Variants in ATP7B observed in about 807,000 individuals in gnomAD.
ATP7B encodes the protein ATPase copper transporting beta, also known as copper-transporting ATPase 2.
Under a neutral mutation model 118.9 loss-of-function variants are expected in ATP7B, and 113 were observed. The observed-to-expected ratio is 0.95, with a 90% CI of 0.82 to 1.11. ATP7B has a LOEUF of 1.11. ATP7B is among the 50% of genes most tolerant of loss of function. ATP7B has a pLI of 0.00. For missense variants in ATP7B, 1,867 were observed against 1,871.4 expected, an observed-to-expected ratio of 1.00 and a Z score of 0.04; for synonymous variants, 777 against 727.4, an observed-to-expected ratio of 1.07 and a Z score of -1.10.
chr13:51,959,623 G>A (rs1958599977), intron 7 of ATP7B: 1 of 166,676 alleles, frequency 6.0e-6, no homozygotes, highest in African/African-American at 2.4e-5. Flanking sequence ...ACACATAGAG[G>A]GCACACTTCC....
chr13:51,961,994 G>T, intron 5 of ATP7B, 81 bp from the exon 6 acceptor site: 1 of 1,231,198 alleles, frequency 8.1e-7, no homozygotes, highest in Non-Finnish European at 1.2e-6. Context: ...GCACTTTTCA[G>T]CTTTGGAAAT....
chr13:51,980,903 A>T (rs1338328437), intron 1 of ATP7B, among the ~76,000 whole-genome samples: 1 of 152,230 alleles, frequency 6.6e-6, no homozygotes, highest in East Asian at 1.9e-4. Context: ...CCCCCCATAC[A>T]ACTTAACACA....
At chr13:51,949,238 T>C (rs1957844255) in intron 12 of ATP7B, among the ~76,000 whole-genome samples, 1 of 152,168 alleles carries the variant, frequency 6.6e-6, no homozygotes. Context: ...CTTGGGAAGC[T>C]GGGAGGTCAA....
At chr13:51,937,988 G>A (rs1489832773) in intron 17 of ATP7B, among the ~76,000 whole-genome samples, 5 of 152,058 alleles carry the variant, frequency 3.3e-5, no homozygotes, top group Non-Finnish European at 7.4e-5. Context: ...CAAAGCATCC[G>A]TCCGGCCATG....
Position 51,968,644 on chromosome 13 carries a change from G to A in ATP7B, c.1544-37C>T, listed in dbSNP as rs756088122. The A allele has an allele frequency of 7.4e-6, 12 of 1,612,082 alleles. No homozygotes were observed. In the Admixed American group the frequency reaches 2.0e-4, roughly 27 times the overall value. ...AGGTCATGGCTGTAACACTCTGGGT[G>A]GGCAGGGCCTCTAGGTTGACACAGT... On this transcript the variant is annotated intron_variant, in intron 3 of 20. Coordinates refer to ENST00000242839, the MANE Select transcript of ATP7B (RefSeq NM_000053.4).
rs1189813477 is a variant in ATP7B at position 51,949,989 on chromosome 13, T to C, written c.2730+18A>G. The C allele has an allele frequency of 3.1e-6, 5 of 1,614,220 alleles. No individual in the cohort carries two copies. The East Asian group carries it at 1.1e-4, about 36-fold the overall frequency. On this transcript the variant is annotated intron_variant, in intron 11 of 20. Transcript: ENST00000242839. Reference sequence around the variant, plus strand: ...AAAACGAGAAAGATGAAGTTAGTTTTAAAAATTTCTTCATTACCTTTGACA... The same window carrying C: ...AAAACGAGAAAGATGAAGTTAGTTTCAAAAATTTCTTCATTACCTTTGACA...
At chr13:51,999,891 C>T (rs966765409) in intron 1 of ATP7B, among the ~76,000 whole-genome samples, 1 of 152,124 alleles carries the variant, frequency 6.6e-6, no homozygotes, top group Non-Finnish European at 1.5e-5. Context: ...CCCCAGTGCC[C>T]ACCCCCATAC....
intron 1 of ATP7B, among the ~76,000 whole-genome samples, chr13:51,985,650 T>C (rs1259935382): frequency 6.6e-6 from 1 of 152,200 alleles, no homozygotes; most frequent in Non-Finnish European, 1.5e-5. Context: ...ATCCTAAAAT[T>C]GACCACATAA....
At position 51,966,004 on chromosome 13, in the gene ATP7B, G is replaced by C. The variant is rs139181311; in HGVS notation, c.1708-971C>G. On this transcript the variant is annotated intron_variant, in intron 4 of 20. Transcript: ENST00000242839. ...TGGCCCAAGACCCAAGGAAAAAATG[G>C]GACTGCAAGGACCACCAGGAAAACT... is the stretch of plus-strand genomic sequence containing the variant. Among the ~76,000 whole-genome samples, 10 of 152,204 alleles carry C rather than the reference G, an allele frequency of 6.6e-5. No individual in the cohort carries two copies. In the East Asian group the frequency reaches 1.9e-3, roughly 29 times the overall value.
At chr13:51,944,767 T>C (rs1005923526) in intron 13 of ATP7B, among the ~76,000 whole-genome samples, 2 of 152,186 alleles carry the variant, frequency 1.3e-5, no homozygotes, top group African/African-American at 4.8e-5. Flanking sequence ...AGGACTATTC[T>C]ATGGCCATAA....
In ATP7B at chr13:51,993,871, C is replaced by T. The variant is rs9652205; in HGVS notation, c.51+17416G>A. ...GGTCCCACAACTTGTGTTGGGTCTGCACTCAGATCCCCTCCACCAAGGCCT... is the reference window on the plus strand; with the variant it reads ...GGTCCCACAACTTGTGTTGGGTCTGTACTCAGATCCCCTCCACCAAGGCCT... On this transcript the variant is annotated intron_variant, in intron 1 of 20. Transcript: ENST00000242839. Among the ~76,000 whole-genome samples the T allele has an allele frequency of 2.6e-3, 397 of 152,286 alleles. 3 individuals carry two copies. The highest frequency in any genetic ancestry group is 9.1e-3 in the African/African-American group (378 of 41,570).
chr13:51,964,995 T>G lies in ATP7B; in HGVS notation c.1746A>C (p.Ile582=), dbSNP rs2139776638. The change falls in exon 5 of 21, where the codon ATA becomes ATC. Residue 582 remains isoleucine (I), a synonymous_variant. Transcript: ENST00000242839. ...CATTTGTCCTCGTGAGTTTGGACTC[T>G]ATGTTGTGGACACAGGACGCGCAGG... ...GMTCASCVHN[I]ESKLTRTNGI... 6.2e-7 allele frequency: 1 copy of G among 1,614,134 alleles called. No homozygotes were observed. The highest frequency in any genetic ancestry group is 8.5e-7 in the Non-Finnish European group (1 of 1,179,968).
rs4943044 is a variant in ATP7B, at chr13:51,943,819, C to T, written c.3243+290G>A. 0.57 allele frequency among the ~76,000 whole-genome samples: 86,054 copies of T among 151,848 alleles called. 24,524 individuals carry two copies. Among genetic ancestry groups the T allele is most frequent in the Middle Eastern group, 0.64 (188 of 294 alleles). On this transcript the variant is annotated intron_variant, in intron 14 of 20. Coordinates refer to ENST00000242839, the MANE Select transcript of ATP7B (RefSeq NM_000053.4). ...CCAGACTGCCCGTACTCCCCAAGAC[C>T]GTGAGCTCCCAAAGGGTAGAGTTCA...
upstream of ATP7B, among the ~76,000 whole-genome samples, chr13:52,011,677 C>T (rs1954043224): frequency 6.6e-6 from 1 of 152,242 alleles, no homozygotes; most frequent in South Asian, 2.1e-4. Context: ...CCGGCCCCGC[C>T]GGTGCCACAG....
chr13:51,949,032 T>C (rs1018090419), intron 12 of ATP7B, among the ~76,000 whole-genome samples: 1 of 151,996 alleles, frequency 6.6e-6, no homozygotes, highest in Non-Finnish European at 1.5e-5. Flanking sequence ...ATACAAAAAT[T>C]AGCTGGGTGT....
intron 9 of ATP7B, among the ~76,000 whole-genome samples, chr13:51,952,760 A>G (rs976288713): frequency 6.6e-6 from 1 of 152,208 alleles, no homozygotes; most frequent in Non-Finnish European, 1.5e-5. Context: ...ACGAGGATTC[A>G]AGGCTTGTGT....
chr13:51,971,530 A>G (rs1951842096), intron 2 of ATP7B, among the ~76,000 whole-genome samples: 1 of 152,226 alleles, frequency 6.6e-6, no homozygotes, highest in Non-Finnish European at 1.5e-5. Flanking sequence ...TCTTTTTACC[A>G]CTAATAACCT....
intron 1 of ATP7B, among the ~76,000 whole-genome samples, chr13:52,008,297 G>A (rs779410740): frequency 2.0e-5 from 3 of 152,286 alleles, no homozygotes; most frequent in African/African-American, 7.2e-5. Context: ...CCGAGATCCC[G>A]CCACTGCACT....
intron 1 of ATP7B, chr13:51,975,373 C>T (rs1212381861): frequency 1.3e-6 from 1 of 766,482 alleles, no homozygotes; most frequent in South Asian, 1.3e-5. Context: ...CTGACAGAAG[C>T]TAACTGTCTG....
Sources: allele counts gnomAD v4.1 joint callset (sites outside exome capture counted in the v4.1 genomes callset), GRCh38; gene constraint gnomAD v4.1.1; transcripts MANE v1.5; gene names NCBI Gene and HGNC (gene_info 2026-07-23, HGNC 2026-07-21).